STAC: variants seen among roughly 807,000 people sequenced by gnomAD.
STAC encodes SH3 and cysteine rich domain.
A neutral mutation model predicts 48.8 loss-of-function variants in STAC; 43 were observed. The observed-to-expected ratio is 0.88, with a 90% CI of 0.69 to 1.14. The LOEUF (loss-of-function observed/expected upper bound fraction) is 1.14. Among genes scored for constraint, STAC ranks in the 50% most tolerant of loss-of-function variants. The pLI, the probability that STAC is intolerant of heterozygous loss-of-function variation, is 0.00. For synonymous variants in STAC, 193 were observed against 179.5 expected, an observed-to-expected ratio of 1.07 and a Z score of -0.60; for missense variants, 497 against 504.0, an observed-to-expected ratio of 0.99 and a Z score of 0.13.
At chr3:36,451,870 C>T (rs865885726) in intron 2 of STAC, among the ~76,000 whole-genome samples, 11 of 152,112 alleles carry the variant, frequency 7.2e-5, no homozygotes, top group Admixed American at 5.9e-4. Context: ...AAGAAGAAAA[C>T]GTGAGTAGCA....
At chr3:36,393,716 C>A (rs1699798446) in intron 1 of STAC, among the ~76,000 whole-genome samples, 1 of 148,966 alleles carries the variant, frequency 6.7e-6, no homozygotes, top group South Asian at 2.3e-4. Context: ...AGAAAGCAGC[C>A]ATCCATGAAC....
At chr3:36,526,279 A>G (rs903676076) in intron 8 of STAC, among the ~76,000 whole-genome samples, 1 of 152,008 alleles carries the variant, frequency 6.6e-6, no homozygotes, top group African/African-American at 2.4e-5. Context: ...TGCCCCTGTC[A>G]TGGGACTTTG....
At chr3:36,389,590 G>A (rs959833982) in intron 1 of STAC, among the ~76,000 whole-genome samples, 11 of 151,984 alleles carry the variant, frequency 7.2e-5, no homozygotes, top group Non-Finnish European at 1.5e-5. Flanking sequence ...TTTTTTAACT[G>A]GTGATAGCTG....
chr3:36,433,124 C>T (rs1700745098), intron 1 of STAC, among the ~76,000 whole-genome samples: 1 of 152,066 alleles, frequency 6.6e-6, no homozygotes, highest in South Asian at 2.1e-4. Context: ...TCCAGAAGCA[C>T]CTGCAAGGAG....
intron 1 of STAC, 48 bp downstream of exon 1, chr3:36,380,802 C>T: frequency 6.9e-7 from 1 of 1,446,484 alleles, no homozygotes; most frequent in South Asian, 1.2e-5. Context: ...ACTCTCCTCT[C>T]CTGTCGGTCC....
rs181739021 is a variant in STAC, at chr3:36,546,772, A to G, written c.*483A>G. On this transcript the variant is annotated 3_prime_UTR_variant, in exon 11 of 11. Coordinates refer to ENST00000273183, the MANE Select transcript of STAC (RefSeq NM_003149.3). ...AGCAATCTCTGTGCAAAGCATCAGA[A>G]AGACCTGCTTCCCAGCCCCCAGCAT... 2.4e-4 allele frequency: 38 copies of G among 159,026 alleles called. No homozygotes were observed. In the East Asian group the frequency reaches 3.5e-3, roughly 15 times the overall value. 9.9% of individuals were successfully genotyped at this position (159,026 alleles called of 1,614,324 possible).
chr3:36,479,658 C>T (rs1697591826), intron 2 of STAC, among the ~76,000 whole-genome samples: 1 of 152,130 alleles, frequency 6.6e-6, no homozygotes, highest in Admixed American at 6.6e-5. Context: ...TAGTACTAGT[C>T]CCATTTAATG....
intron 2 of STAC, among the ~76,000 whole-genome samples, chr3:36,467,409 A>T (rs1392045148): frequency 1.1e-4 from 17 of 152,090 alleles, no homozygotes; most frequent in Admixed American, 9.8e-4. Flanking sequence ...GAATAGTGTC[A>T]ATAGGATTGG....
chr3:36,469,806 C>T (rs1030300141), intron 2 of STAC, among the ~76,000 whole-genome samples: 5 of 150,802 alleles, frequency 3.3e-5, no homozygotes, highest in South Asian at 2.1e-4. Flanking sequence ...TGGGTTAATT[C>T]GAAAGCCTTG....
chr3:36,441,106 G>T (rs1696334619), intron 1 of STAC, among the ~76,000 whole-genome samples: 1 of 152,080 alleles, frequency 6.6e-6, no homozygotes, highest in Admixed American at 6.5e-5. Context: ...ACATTCAAAA[G>T]TATCCTCCTT....
chr3:36,483,275 A>G (rs991739784), intron 3 of STAC, among the ~76,000 whole-genome samples, 183 bp downstream of exon 3: 1 of 152,210 alleles, frequency 6.6e-6, no homozygotes, highest in African/African-American at 2.4e-5. Flanking sequence ...TGTCAACCCA[A>G]TCAACAATGC....
In STAC at chr3:36,504,474, CA is replaced by C; in HGVS notation, c.831+18del. 6.2e-7 allele frequency: 1 copy of C among 1,612,806 alleles called. No individual in the cohort carries two copies. Among genetic ancestry groups the C allele is most frequent in the Non-Finnish European group, 8.5e-7 (1 of 1,179,102 alleles). On this transcript the variant is annotated intron_variant, in intron 7 of 10. Transcript: ENST00000273183. ...AACCACCAGGTATTTATGGATGTCA[CA>C]GAAGACAAGTCAGACAGGAGTCCTT...
At chr3:36,389,460 A>G (rs897030992) in intron 1 of STAC, among the ~76,000 whole-genome samples, 1 of 152,104 alleles carries the variant, frequency 6.6e-6, no homozygotes, top group Non-Finnish European at 1.5e-5. Context: ...CTCGCCTTTT[A>G]ATACCGTCAT....
At chr3:36,495,049 C>A (rs926585155) in intron 6 of STAC, among the ~76,000 whole-genome samples, 2 of 152,196 alleles carry the variant, frequency 1.3e-5, no homozygotes, top group Non-Finnish European at 1.5e-5. Context: ...ACTAACTGCG[C>A]TGGAAACATT....
chr3:36,406,494 C>A (rs73059908), intron 1 of STAC, among the ~76,000 whole-genome samples: 2 of 152,306 alleles, frequency 1.3e-5, no homozygotes, highest in Middle Eastern at 6.8e-3. Context: ...TCACTGCGAA[C>A]CTGCAGCCAA....
At chr3:36,493,343 G>A (rs1297860514) in intron 6 of STAC, 114 bp downstream of exon 6, 1 of 930,438 alleles carries the variant, frequency 1.1e-6, no homozygotes, top group Non-Finnish European at 1.7e-6. Flanking sequence ...AATTTAATCA[G>A]GGCGAGTGTT....
intron 2 of STAC, among the ~76,000 whole-genome samples, chr3:36,445,184 C>T (rs1426579372): frequency 6.6e-6 from 1 of 152,098 alleles, no homozygotes; most frequent in African/African-American, 2.4e-5. Context: ...ATAGTCATTA[C>T]CCTAAAGAGG....
At chr3:36,409,854 C>T (rs948975030) in intron 1 of STAC, 1 of 152,108 alleles carries the variant, frequency 6.6e-6, no homozygotes, top group Non-Finnish European at 1.5e-5. Flanking sequence ...AAAGCTAGGG[C>T]ATTTTGCAGA....
chr3:36,415,342 T>G (rs1274894588), intron 1 of STAC, among the ~76,000 whole-genome samples: 5 of 152,168 alleles, frequency 3.3e-5, no homozygotes, highest in Non-Finnish European at 7.3e-5. Context: ...AGCCACTATG[T>G]TTACCTACTC....
Sources: gnomAD v4.1 joint callset for allele counts (sites outside exome capture counted in the v4.1 genomes callset) on GRCh38, gnomAD v4.1.1 for gene constraint, MANE v1.5 for transcripts, NCBI Gene and HGNC (gene_info 2026-07-23, HGNC 2026-07-21) for gene names.